The following MTHFS variants were observed in gnomAD, a reference collection of about 807,000 sequenced individuals.
The protein encoded by MTHFS is methenyltetrahydrofolate synthetase.
Under a neutral mutation model 12.7 loss-of-function variants are expected in MTHFS, and 7 were observed. That is an observed-to-expected ratio of 0.55 (90% CI 0.31 to 1.03). MTHFS has a LOEUF of 1.03. Among genes scored for constraint, MTHFS ranks in the 50% least tolerant of loss-of-function variants. The pLI is 0.05. For missense variants in MTHFS, 252 were observed against 258.1 expected (o/e 0.98, Z 0.16); for synonymous variants, 100 against 97.1 (o/e 1.03, Z -0.18).
chr15:79,846,801 C>T (rs1276793128), intron 2 of MTHFS, among the ~76,000 whole-genome samples: 1 of 152,230 alleles, frequency 6.6e-6, no homozygotes, highest in Non-Finnish European at 1.5e-5. Flanking sequence ...TCCCTCGTGT[C>T]CTCTTTCTGT....
chr15:79,876,026 T>C (rs1017815260), intron 2 of MTHFS: 2 of 151,990 alleles, frequency 1.3e-5, no homozygotes, highest in African/African-American at 4.8e-5. Flanking sequence ...TATAGACACA[T>C]ATCATAGGGA....
chr15:79,847,669 C>CAAAAAAAAAAAAAAAAAAAAA (rs55956333), intron 2 of MTHFS, among the ~76,000 whole-genome samples: 1 of 75,404 alleles, frequency 1.3e-5, no homozygotes, highest in Non-Finnish European at 2.7e-5. Flanking sequence ...GACTCCGTCT[C>CAAAAAAAAAAAAAAAAAAAAA]AAAAAAAAAA....
intron 2 of MTHFS, among the ~76,000 whole-genome samples, chr15:79,863,099 C>T (rs1039799781): frequency 6.6e-6 from 1 of 152,222 alleles, no homozygotes; most frequent in African/African-American, 2.4e-5. Flanking sequence ...GCATGACATG[C>T]AGATGGCAAA....
rs967679535 is a variant in MTHFS, at chr15:79,896,764, G to C, written c.117+108C>G. On this transcript the variant is annotated intron_variant, in intron 1 of 2. Coordinates refer to ENST00000258874, the MANE Select transcript of MTHFS (RefSeq NM_006441.4). ...ACGTGCGCGCGCCGGGGGGTGGGGG[G>C]GCGCCTAGCCCAGCGCCAGCACGGA... The C allele has an allele frequency of 6.8e-6, 10 of 1,464,404 alleles. No homozygotes were observed. The African/African-American group carries it at 8.8e-5, about 13-fold the overall frequency. The allele number at this position is 1,464,404 out of a possible 1,614,324, so 90.7% of individuals were successfully genotyped here.
Position 79,896,523 on chromosome 15 carries a change from G to A in MTHFS, c.117+349C>T, listed in dbSNP as rs1596086627. Among the ~76,000 whole-genome samples, 3 of 152,298 alleles carry A rather than the reference G, an allele frequency of 2.0e-5. No individual in the cohort carries two copies. The East Asian group carries it at 5.8e-4, about 29-fold the overall frequency. On this transcript the variant is annotated intron_variant, in intron 1 of 2. Transcript: ENST00000258874. Reference sequence around the variant, plus strand: ...TCTACCACAACTTTCTGTTCTCACCGTGCTCTCACCACAGCACCGTCATCC... The same window carrying A: ...TCTACCACAACTTTCTGTTCTCACCATGCTCTCACCACAGCACCGTCATCC...
At chr15:79,891,845 G>A (rs1216518861) in intron 1 of MTHFS, among the ~76,000 whole-genome samples, 1 of 151,256 alleles carries the variant, frequency 6.6e-6, no homozygotes, top group African/African-American at 2.4e-5. Context: ...GCACATGCCT[G>A]TAGTCCCAGC....
At chr15:79,860,748 T>C (rs151096122) in intron 2 of MTHFS, among the ~76,000 whole-genome samples, 4 of 152,312 alleles carry the variant, frequency 2.6e-5, no homozygotes, top group African/African-American at 9.6e-5. Context: ...ACTTCCAAGG[T>C]TGAAAATTCA....
rs965086051 is a variant in MTHFS, at chr15:79,844,862, C to A, written c.*348G>T. ...ATGAAAGGCGTAATGAAATACAGTGCCCACTCCCGCAAGTTTACCTTCCTC... is the reference window on the plus strand; with the variant it reads ...ATGAAAGGCGTAATGAAATACAGTGACCACTCCCGCAAGTTTACCTTCCTC... On this transcript the variant is annotated 3_prime_UTR_variant, in exon 3 of 3. Coordinates refer to ENST00000258874, the MANE Select transcript of MTHFS (RefSeq NM_006441.4). The A allele has an allele frequency of 3.4e-6, 1 of 292,596 alleles. No homozygotes were observed. Among genetic ancestry groups the A allele is most frequent in the Admixed American group, 5.0e-5 (1 of 20,080 alleles). 18.1% of individuals were successfully genotyped at this position (292,596 alleles called of 1,614,324 possible).
At chr15:79,877,735 TC>T (rs2034225791) in intron 2 of MTHFS, 1 of 150,486 alleles carries the variant, frequency 6.6e-6, no homozygotes, top group African/African-American at 2.5e-5. Context: ...TTTTTACACA[TC>T]AGAGTCAAAC....
chr15:79,877,504 T>C (rs1231715233), intron 2 of MTHFS: 1 of 151,908 alleles, frequency 6.6e-6, no homozygotes, highest in Non-Finnish European at 1.5e-5. Context: ...ATCAAGACCA[T>C]CCTAGCCCAC....
chr15:79,868,726 AG>A (rs1327083267), intron 2 of MTHFS, among the ~76,000 whole-genome samples: 2 of 152,244 alleles, frequency 1.3e-5, no homozygotes, highest in Admixed American at 6.5e-5. Context: ...TTTACACCAT[AG>A]GCTCCCCTGG....
chr15:79,878,146 CATA>C (rs914862608), intron 2 of MTHFS: 38 of 152,164 alleles, frequency 2.5e-4, no homozygotes, highest in African/African-American at 8.2e-4. Context: ...CTTTTTAAAA[CATA>C]AGAGTTCTTA....
intron 2 of MTHFS, among the ~76,000 whole-genome samples, chr15:79,847,397 T>A (rs984118135): frequency 1.3e-5 from 2 of 151,882 alleles, no homozygotes; most frequent in Non-Finnish European, 1.5e-5. Context: ...GCAAAAGACT[T>A]AAACAGGATG....
intron 1 of MTHFS, among the ~76,000 whole-genome samples, chr15:79,890,992 G>A (rs942270785): frequency 3.3e-5 from 5 of 152,222 alleles, no homozygotes; most frequent in Non-Finnish European, 5.9e-5. Flanking sequence ...CACTCAATGT[G>A]AGACTGTGCA....
chr15:79,885,470 G>T (rs1046942819), intron 2 of MTHFS, among the ~76,000 whole-genome samples: 4 of 152,156 alleles, frequency 2.6e-5, no homozygotes, highest in Admixed American at 1.3e-4. Context: ...ATTCCCCCTT[G>T]TTCTGGAAAC....
chr15:79,858,622 A>T (rs1417211126), intron 2 of MTHFS, among the ~76,000 whole-genome samples: 1 of 152,216 alleles, frequency 6.6e-6, no homozygotes, highest in Non-Finnish European at 1.5e-5. Flanking sequence ...AGAAATTGGG[A>T]GACTGAAGAC....
chr15:79,891,174 G>A (rs1297085313), intron 1 of MTHFS, among the ~76,000 whole-genome samples: 1 of 152,178 alleles, frequency 6.6e-6, no homozygotes, highest in Non-Finnish European at 1.5e-5. Context: ...ACAACACTCA[G>A]AGAATAAGGG....
intron 2 of MTHFS, among the ~76,000 whole-genome samples, chr15:79,883,683 T>C (rs1166440820): frequency 7.9e-6 from 1 of 126,864 alleles, no homozygotes; most frequent in Non-Finnish European, 1.7e-5. Flanking sequence ...CTAGGCACTT[T>C]ACATATATCA....
chr15:79,871,759 A>G (rs1448441006), intron 2 of MTHFS, among the ~76,000 whole-genome samples: 5 of 152,196 alleles, frequency 3.3e-5, no homozygotes, highest in Non-Finnish European at 7.3e-5. Flanking sequence ...AAATGCTTAA[A>G]CAAAAAGAAA....
Sources: gnomAD v4.1 joint callset for allele counts (sites outside exome capture counted in the v4.1 genomes callset) on GRCh38, gnomAD v4.1.1 for gene constraint, MANE v1.5 for transcripts, NCBI Gene and HGNC (gene_info 2026-07-23, HGNC 2026-07-21) for gene names.